SDR39U1: variants seen among roughly 807,000 people sequenced by gnomAD.
SDR39U1 encodes the protein epimerase family protein SDR39U1.
A neutral mutation model predicts 31.7 loss-of-function variants in SDR39U1; 29 were observed. The ratio of observed to expected loss-of-function variants is 0.92; its 90% CI spans 0.68 to 1.25. The LOEUF (loss-of-function observed/expected upper bound fraction) is 1.25. SDR39U1 is among the 50% of genes most tolerant of loss of function. SDR39U1 has a pLI of 0.00. For missense variants in SDR39U1, 403 were observed against 378.4 expected (o/e 1.06, Z -0.54); for synonymous variants, 147 against 159.0 (o/e 0.92, Z 0.57).
rs1425603834 is a variant in SDR39U1, at chr14:24,441,744, G to A, written c.258C>T (p.Thr86=). 6.2e-7 allele frequency: 1 copy of A among 1,602,490 alleles called. No homozygotes were observed. The highest frequency in any genetic ancestry group is 8.5e-7 in the Non-Finnish European group (1 of 1,176,598). Reference sequence around the variant, plus strand: ...TGGTGATGGCTTTAGCCAGCAATTGGGTGGTCTCTAGGCGGCTGCCGATTA... The same window carrying A: ...TGGTGATGGCTTTAGCCAGCAATTGAGTGGTCTCTAGGCGGCTGCCGATTA... ...KEVIGSRLET[T]QLLAKAITKA... Residue 86 remains threonine (T), a synonymous_variant, in exon 4 of 6, where the codon ACC becomes ACT. Transcript: ENST00000399395.
chr14:24,442,108 C>T, intron 3 of SDR39U1, 70 bp downstream of exon 3: 1 of 1,563,660 alleles, frequency 6.4e-7, no homozygotes, highest in Non-Finnish European at 8.7e-7. Flanking sequence ...CCATAGCTCA[C>T]AGGTTCTCAT....
chr14:24,440,860 A>G lies in SDR39U1; in HGVS notation c.395T>C (p.Phe132Ser). The G allele has an allele frequency of 6.2e-7, 1 of 1,613,924 alleles. No individual in the cohort carries two copies. The highest frequency in any genetic ancestry group is 1.3e-5 in the African/African-American group (1 of 75,014). ...EDSPGGDFDF[F>S]SNLVTKWEAA... is the part of the protein sequence containing the mutation. ...TTCCCATTTGGTTACGAGGTTGGAG[A>G]AAAAGTCAAAGTCCCCTCCTGGGCT... The change falls in exon 5 of 6, where the codon TTC (phenylalanine) becomes TCC (serine). Residue 132 changes from phenylalanine to serine, a missense_variant. Transcript: ENST00000399395.
At chr14:24,441,228 C>A in intron 4 of SDR39U1, 1 of 494,244 alleles carries the variant, frequency 2.0e-6, no homozygotes, top group African/African-American at 1.9e-5. Context: ...TGACTTGATG[C>A]AAGTTACTTA....
rs2043271915 is a variant in SDR39U1 at position 24,440,023 on chromosome 14, T to C, written c.*60A>G. The C allele has an allele frequency of 2.1e-6, 3 of 1,436,686 alleles. No homozygotes were observed. In the Admixed American group the frequency reaches 6.8e-5, roughly 33 times the overall value. The allele number at this position is 1,436,686 out of a possible 1,614,324, so 89.0% of individuals were successfully genotyped here. A position where few individuals can be genotyped will look rare whatever the true frequency, so the allele number is the denominator to read the frequency against. ...AGCTCTCTAGAGGAGCTGAGCCTAT[T>C]CACAGTGCCTAACCTGGAAGCCTGT... On this transcript the variant is annotated 3_prime_UTR_variant, in exon 6 of 6. Transcript: ENST00000399395.
rs777520841 is a variant in SDR39U1, at chr14:24,440,592, T to C, written c.473-100A>G. ...TTCCCCTTCCTCACTCTCCCCATGC[T>C]GACTTGGCTCTGTAACAGAAGTGAG... is the stretch of plus-strand genomic sequence containing the variant. On this transcript the variant is annotated intron_variant, in intron 5 of 5. Coordinates refer to ENST00000399395, the MANE Select transcript of SDR39U1 (RefSeq NM_020195.3). 2.1e-6 allele frequency: 3 copies of C among 1,443,308 alleles called. No individual in the cohort carries two copies. In the South Asian group the frequency reaches 3.7e-5, roughly 18 times the overall value. 89.4% of individuals were successfully genotyped at this position (1,443,308 alleles called of 1,614,324 possible).
At chr14:24,441,181 C>T (rs1171889576) in intron 4 of SDR39U1, 3 of 565,744 alleles carry the variant, frequency 5.3e-6, no homozygotes, top group Non-Finnish European at 9.5e-6. Flanking sequence ...GTACCAGGCG[C>T]CTGAATTTTA....
Position 24,440,771 on chromosome 14 carries a change from C to G in SDR39U1, c.472+12G>C. On this transcript the variant is annotated intron_variant, in intron 5 of 5. Coordinates refer to ENST00000399395, the MANE Select transcript of SDR39U1 (RefSeq NM_020195.3). ...ATTCCAACCCTGTCTGATACCCAGG[C>G]CCGTTTCTCACCTGAGCGCACCACC... The G allele has an allele frequency of 6.2e-7, 1 of 1,613,336 alleles. No individual in the cohort carries two copies. The highest frequency in any genetic ancestry group is 8.5e-7 in the Non-Finnish European group (1 of 1,179,490).
chr14:24,440,443 G>C lies in SDR39U1; in HGVS notation c.522C>G (p.Pro174=), dbSNP rs1476266279. 4.3e-6 allele frequency: 7 copies of C among 1,611,754 alleles called. No homozygotes were observed. In the African/African-American group the frequency reaches 8.0e-5, roughly 18 times the overall value. ...TGGGGCCCCCCAGGCCCAGGCGAAA[G>C]GGCAGCAGCATGTGGCCCATGGCAC... The part of the protein sequence containing the change: ...GGGAMGHMLL[P]FRLGLGGPIG... Residue 174 remains proline (P), a synonymous_variant, in exon 6 of 6, where the codon CCC becomes CCG. Coordinates refer to ENST00000399395, the MANE Select transcript of SDR39U1 (RefSeq NM_020195.3).
intron 4 of SDR39U1, 177 bp downstream of exon 4, chr14:24,441,497 G>A: frequency 1.8e-6 from 1 of 568,132 alleles, no homozygotes. Flanking sequence ...TGTTTTTTCA[G>A]GGTCTCAATT....
chr14:24,442,196 A>G lies in SDR39U1; in HGVS notation c.188T>C (p.Ile63Thr). Residue 63 changes from isoleucine (I) to threonine (T), a missense_variant, in exon 3 of 6, where the codon ATC becomes ACC. Transcript: ENST00000399395. Reference sequence around the variant, plus strand: ...GGCTGACCTTCGGAGAGGGTTGAGGATGTTCTCTCCGGCCAGGTTGACGGC... The same window carrying G: ...GGCTGACCTTCGGAGAGGGTTGAGGGTGTTCTCTCCGGCCAGGTTGACGGC... ...DAAVNLAGEN[I>T]LNPLRRWNET... 1 of 1,611,256 alleles carries G rather than the reference A, an allele frequency of 6.2e-7. No individual in the cohort carries two copies.
At chr14:24,440,953 C>G in intron 4 of SDR39U1, 27 bp from the exon 5 acceptor site, 1 of 1,613,788 alleles carries the variant, frequency 6.2e-7, no homozygotes. Context: ...ATCATTTGCC[C>G]TGGGTGTCCT....
rs750828920 is a variant in SDR39U1 at position 24,440,250 on chromosome 14, G to A, written c.715C>T (p.Arg239Ter). The change falls in exon 6 of 6, where the codon CGA becomes TGA. Residue 239 changes from arginine (R) to a stop codon, truncating the protein, a stop_gained. Transcript: ENST00000399395. LOFTEE classifies it high-confidence loss of function. ...GCGCTGGGGAGAGGGATGAAGGCTC[G>A]GCGGCCCAGGGCAGCACCCAAGGTC... The part of the protein sequence containing the change: ...AQTLGAALGR[R>*]AFIPLPSAVV... 6 of 1,613,822 alleles carry A rather than the reference G, an allele frequency of 3.7e-6. No homozygotes were observed. The highest frequency in any genetic ancestry group is 3.4e-6 in the Non-Finnish European group (4 of 1,179,738).
chr14:24,441,494 T>C (rs2043337595), intron 4 of SDR39U1, 180 bp downstream of exon 4: 1 of 567,668 alleles, frequency 1.8e-6, no homozygotes, highest in Non-Finnish European at 3.0e-6. Context: ...CACTGTTTTT[T>C]CAGGGTCTCA....
chr14:24,440,952 C>T (rs1432679905), intron 4 of SDR39U1, 26 bp from the exon 5 acceptor site: 3 of 1,613,634 alleles, frequency 1.9e-6, no homozygotes, highest in Admixed American at 3.3e-5. Flanking sequence ...AATCATTTGC[C>T]CTGGGTGTCC....
In SDR39U1 at chr14:24,440,507, A is replaced by G. The variant is rs1484323687; in HGVS notation, c.473-15T>C. 1.2e-5 allele frequency: 19 copies of G among 1,593,186 alleles called. No individual in the cohort carries two copies. Among genetic ancestry groups the G allele is most frequent in the Non-Finnish European group, 1.6e-5 (19 of 1,169,878 alleles). ...CAGCACAACCCCTAGAGCAGGAAAG[A>G]GGGAAGGTACAGGGGTCCTCTCAGC... On this transcript the variant is annotated splice_polypyrimidine_tract_variant and intron_variant, in intron 5 of 5. Coordinates refer to ENST00000399395, the MANE Select transcript of SDR39U1 (RefSeq NM_020195.3).
At chr14:24,441,292 T>C in intron 4 of SDR39U1, 1 of 446,830 alleles carries the variant, frequency 2.2e-6, no homozygotes, top group Non-Finnish European at 4.1e-6. Flanking sequence ...AGTACCTACC[T>C]CATAGGGTTG....
Position 24,440,620 on chromosome 14 carries a change from G to A in SDR39U1, c.473-128C>T, listed in dbSNP as rs574135166. 57 of 1,362,670 alleles carry A rather than the reference G, an allele frequency of 4.2e-5. No homozygotes were observed. The South Asian group carries it at 6.1e-4, about 15-fold the overall frequency. 84.4% of individuals were successfully genotyped at this position (1,362,670 alleles called of 1,614,324 possible). ...CTTGGCTCTGTAACAGAAGTGAGCAGTATGGCTGTCTTTAAGACCTCACAC... is the reference window on the plus strand; with the variant it reads ...CTTGGCTCTGTAACAGAAGTGAGCAATATGGCTGTCTTTAAGACCTCACAC... On this transcript the variant is annotated intron_variant, in intron 5 of 5. Transcript: ENST00000399395.
intron 3 of SDR39U1, 128 bp downstream of exon 3, chr14:24,442,050 G>A (rs1318663480): frequency 6.5e-7 from 1 of 1,541,040 alleles, no homozygotes; most frequent in Admixed American, 2.0e-5. Flanking sequence ...GGAGCAGAAT[G>A]AGTAGTCTGG....
Position 24,440,273 on chromosome 14 carries a change from G to T in SDR39U1, c.692C>A (p.Thr231Asn). ...TCGGCGGCCCAGGGCAGCACCCAAG[G>T]TCTGGGCAAACTCAGCATTAGTGGC... Reference protein sequence around the residue: ...SSATNAEFAQTLGAALGRRAF... With the variant: ...SSATNAEFAQNLGAALGRRAF... The change falls in exon 6 of 6, where the codon ACC becomes AAC. Residue 231 changes from threonine (T) to asparagine (N), a missense_variant. By Grantham distance (65) the Thr-to-Asn change is moderately conservative. Coordinates refer to ENST00000399395, the MANE Select transcript of SDR39U1 (RefSeq NM_020195.3). 1 of 1,613,976 alleles carries T rather than the reference G, an allele frequency of 6.2e-7. No individual in the cohort carries two copies. The highest frequency in any genetic ancestry group is 1.1e-5 in the South Asian group (1 of 91,086).
Sources: gnomAD v4.1 joint callset for allele counts on GRCh38, gnomAD v4.1.1 for gene constraint, MANE v1.5 for transcripts, NCBI Gene and HGNC (gene_info 2026-07-23, HGNC 2026-07-21) for gene names.